Variants in EDIL3 observed in about 807,000 individuals in gnomAD.
EDIL3 encodes the protein EGF like and discoidin domains 3.
Under a neutral mutation model 67.4 loss-of-function variants are expected in EDIL3, and 37 were observed. The observed-to-expected ratio is 0.55, with a 90% CI of 0.42 to 0.72. The LOEUF (loss-of-function observed/expected upper bound fraction) is 0.72. EDIL3 is among the 30% of genes least tolerant of loss of function. The pLI is 0.00. For missense variants in EDIL3, 527 were observed against 586.3 expected (o/e 0.90, Z 1.04); for synonymous variants, 195 against 196.3 (o/e 0.99, Z 0.05).
intron 2 of EDIL3, among the ~76,000 whole-genome samples, chr5:84,230,867 C>T (rs991282386): frequency 1.3e-5 from 2 of 149,498 alleles, no homozygotes; most frequent in Non-Finnish European, 1.5e-5. Context: ...GTAAGGACAC[C>T]GGAACCTGCA....
Position 83,963,274 on chromosome 5 carries a change from G to T in EDIL3, c.1224C>A (p.Tyr408Ter), listed in dbSNP as rs768315119. The T allele has an allele frequency of 6.2e-7, 1 of 1,610,122 alleles. No homozygotes were observed. ...DFGHVQFVGS[Y>*]KLAYSNDGEH... ...CTCCATCATTGCTGTAAGCCAGTTT[G>T]TAGGAGCCAACAAACTGTACATGAC... is the stretch of plus-strand genomic sequence containing the variant. The change falls in exon 10 of 11, where the codon TAC (tyrosine) becomes TAA (stop). Residue 408 changes from tyrosine (Y) to a stop codon, truncating the protein, a stop_gained. Transcript: ENST00000296591. LOFTEE classifies it high-confidence loss of function.
chr5:84,127,365 G>T (rs546475651), intron 5 of EDIL3, among the ~76,000 whole-genome samples: 1 of 152,020 alleles, frequency 6.6e-6, no homozygotes, highest in Non-Finnish European at 1.5e-5. Flanking sequence ...TAAAAAGAAC[G>T]TGTATTATTG....
At chr5:84,039,186 C>T (rs1185320223) in intron 9 of EDIL3, among the ~76,000 whole-genome samples, 2 of 151,706 alleles carry the variant, frequency 1.3e-5, no homozygotes, top group African/African-American at 2.4e-5. Context: ...GTGACAATTT[C>T]TACAAACTGT....
chr5:84,122,754 T>G (rs994166533), intron 5 of EDIL3, among the ~76,000 whole-genome samples: 1 of 151,922 alleles, frequency 6.6e-6, no homozygotes, highest in African/African-American at 2.4e-5. Flanking sequence ...TGTAGGACAG[T>G]GATCTAACTC....
At chr5:83,986,487 T>C (rs1418890271) in intron 9 of EDIL3, among the ~76,000 whole-genome samples, 5 of 152,170 alleles carry the variant, frequency 3.3e-5, no homozygotes, top group African/African-American at 1.2e-4. Flanking sequence ...TGGCACTTCA[T>C]TATGCTGCAT....
At chr5:83,964,633 A>G (rs1744659796) in intron 9 of EDIL3, among the ~76,000 whole-genome samples, 1 of 152,028 alleles carries the variant, frequency 6.6e-6, no homozygotes, top group Non-Finnish European at 1.5e-5. Flanking sequence ...AAAGGTGTGA[A>G]ACAGTTTCCA....
At chr5:84,277,831 A>G (rs1745611393) in intron 1 of EDIL3, among the ~76,000 whole-genome samples, 1 of 152,204 alleles carries the variant, frequency 6.6e-6, no homozygotes, top group Non-Finnish European at 1.5e-5. Context: ...AATACAGGAA[A>G]TAAACCCCTT....
chr5:84,235,820 A>G (rs950835203), intron 2 of EDIL3, among the ~76,000 whole-genome samples: 1 of 152,012 alleles, frequency 6.6e-6, no homozygotes, highest in African/African-American at 2.4e-5. Context: ...ATATGTCATT[A>G]TATAAATCAG....
intron 9 of EDIL3, among the ~76,000 whole-genome samples, chr5:84,026,694 C>G (rs1443799699): frequency 2.0e-5 from 3 of 152,162 alleles, no homozygotes; most frequent in Non-Finnish European, 4.4e-5. Flanking sequence ...GTAATTTTCA[C>G]CGTGAACTAA....
intron 1 of EDIL3, among the ~76,000 whole-genome samples, chr5:84,312,082 C>A (rs1330777603): frequency 6.6e-6 from 1 of 152,158 alleles, no homozygotes; most frequent in Non-Finnish European, 1.5e-5. Context: ...GGGTACACCT[C>A]CCAGACGGGG....
At chr5:83,973,936 A>C (rs977686660) in intron 9 of EDIL3, among the ~76,000 whole-genome samples, 1 of 152,024 alleles carries the variant, frequency 6.6e-6, no homozygotes, top group Admixed American at 6.6e-5. Context: ...TGCATAACTA[A>C]GTATTAGGAG....
intron 9 of EDIL3, among the ~76,000 whole-genome samples, chr5:83,974,417 C>A (rs1392429771): frequency 2.0e-5 from 3 of 151,772 alleles, no homozygotes; most frequent in Non-Finnish European, 2.9e-5. Context: ...ACAGAATTGC[C>A]TGCGGATTCT....
intron 4 of EDIL3, among the ~76,000 whole-genome samples, chr5:84,178,815 GTTCCCACTGCAA>G (rs1289147847): frequency 3.3e-5 from 5 of 152,108 alleles, no homozygotes; most frequent in East Asian, 1.9e-4. Context: ...CAAAATCCAA[GTTCCCACTGCAA>G]TTCCCACTGC....
chr5:84,347,769 C>G (rs1747264698), intron 1 of EDIL3, among the ~76,000 whole-genome samples: 1 of 152,200 alleles, frequency 6.6e-6, no homozygotes, highest in Non-Finnish European at 1.5e-5. Flanking sequence ...TTTGCCCTTG[C>G]AGGAACTATC....
chr5:84,026,092 G>A (rs1745805240), intron 9 of EDIL3, among the ~76,000 whole-genome samples: 1 of 152,164 alleles, frequency 6.6e-6, no homozygotes, highest in South Asian at 2.1e-4. Flanking sequence ...GGTTAGAAAT[G>A]CAGAATATAT....
chr5:83,948,853 T>C (rs1049624762), intron 10 of EDIL3, among the ~76,000 whole-genome samples: 2 of 151,770 alleles, frequency 1.3e-5, no homozygotes, highest in Non-Finnish European at 2.9e-5. Context: ...CATTTCATGA[T>C]TGAATGGCTA....
intron 1 of EDIL3, among the ~76,000 whole-genome samples, chr5:84,318,826 G>C (rs1209709293): frequency 6.6e-6 from 1 of 152,088 alleles, no homozygotes; most frequent in Admixed American, 6.5e-5. Flanking sequence ...TTAAACTAAA[G>C]AACTTCTGCA....
rs564631728 is a variant in EDIL3 at position 84,049,887 on chromosome 5, A to C, written c.1137+10413T>G. The stretch of plus-strand genomic sequence containing the variant: ...AGCAACTCAAGAAAGCTAACCAATT[A>C]GGTAGGATCACCTCTTAAAAAAAAT... On this transcript the variant is annotated intron_variant, in intron 9 of 10. Coordinates refer to ENST00000296591, the MANE Select transcript of EDIL3 (RefSeq NM_005711.5). Among the ~76,000 whole-genome samples, 3 of 152,288 alleles carry C rather than the reference A, an allele frequency of 2.0e-5. No individual in the cohort carries two copies. The East Asian group carries it at 5.8e-4, about 29-fold the overall frequency.
chr5:84,153,764 T>G (rs1415391484), intron 4 of EDIL3, among the ~76,000 whole-genome samples: 1 of 152,186 alleles, frequency 6.6e-6, no homozygotes, highest in Non-Finnish European at 1.5e-5. Context: ...CACCCGGCCT[T>G]GTTATTATTT....
Sources: allele counts gnomAD v4.1 joint callset (sites outside exome capture counted in the v4.1 genomes callset), GRCh38; gene constraint gnomAD v4.1.1; transcripts MANE v1.5; gene names NCBI Gene and HGNC (gene_info 2026-07-23, HGNC 2026-07-21).